LDLRAD4: variants seen among roughly 807,000 people sequenced by gnomAD.
The protein encoded by LDLRAD4 is low density lipoprotein receptor class A domain containing 4.
Under a neutral mutation model 17.0 loss-of-function variants are expected in LDLRAD4, and 5 were observed. The ratio of observed to expected loss-of-function variants is 0.29; its 90% CI spans 0.15 to 0.62. The LOEUF (loss-of-function observed/expected upper bound fraction) is 0.62. Ranked by LOEUF, LDLRAD4 falls within the 20% of genes least tolerant of loss-of-function variation. The pLI is 0.84. For synonymous variants in LDLRAD4, 168 were observed against 171.8 expected, an observed-to-expected ratio of 0.98 and a Z score of 0.17; for missense variants, 340 against 424.7, an observed-to-expected ratio of 0.80 and a Z score of 1.75.
chr18:13,227,430 A>C lies in LDLRAD4; in HGVS notation c.-467+8442A>C, dbSNP rs371430674. ...TTGTTCACAGGCACCTGAGCACATC[A>C]GGTGGGGAGACCCTCATGTACTGTG... is the stretch of plus-strand genomic sequence containing the variant. On this transcript the variant is annotated intron_variant, in intron 1 of 5. Coordinates refer to the LDLRAD4 transcript ENST00000399848. 6.4e-4 allele frequency among the ~76,000 whole-genome samples: 97 copies of C among 152,310 alleles called. No homozygotes were observed. In the South Asian group the frequency reaches 0.019, roughly 30 times the overall value.
chr18:13,372,564 C>T (rs369564652), intron 1 of LDLRAD4, among the ~76,000 whole-genome samples: 248 of 152,258 alleles, frequency 1.6e-3, no homozygotes, highest in East Asian at 8.1e-3. Context: ...CTGGGATGGG[C>T]GTGCTGGGAA....
chr18:13,238,186 C>G, intron 1 of LDLRAD4, among the ~76,000 whole-genome samples: 1 of 152,202 alleles, frequency 6.6e-6, no homozygotes, highest in Non-Finnish European at 1.5e-5. Flanking sequence ...GATCACAGAG[C>G]CATCTAAGCA....
intron 3 of LDLRAD4, among the ~76,000 whole-genome samples, chr18:13,474,603 C>CA (rs1470225056): frequency 6.6e-6 from 1 of 152,152 alleles, no homozygotes; most frequent in Admixed American, 6.5e-5. Flanking sequence ...GGATGGTCTG[C>CA]AGGGGAGCAG....
At chr18:13,483,757 C>G (rs58234954) in intron 3 of LDLRAD4, among the ~76,000 whole-genome samples, 1,784 of 152,256 alleles carry the variant, frequency 0.012, 68 homozygotes, top group East Asian at 0.11. Context: ...AAATGAGACC[C>G]TTTCCCAAGC....
chr18:13,634,723 C>T (rs2041941231), intron 4 of LDLRAD4, among the ~76,000 whole-genome samples: 1 of 151,642 alleles, frequency 6.6e-6, no homozygotes, highest in Non-Finnish European at 1.5e-5. Flanking sequence ...AATAATCCAT[C>T]CTAACGTTTA....
rs1043402321 is a variant in LDLRAD4, at chr18:13,621,684, A to C, written c.336+413A>C. On this transcript the variant is annotated intron_variant, in intron 4 of 5. Transcript: ENST00000359446. This position sits in a 1 kb window ranked among gnomAD's most constrained non-coding sequence, Gnocchi z 5.5. ...GGGTCCTGGAGGTGCTGCGGGGACA[A>C]ATCACGCGCTCATCGTCACTAAACG... is the stretch of plus-strand genomic sequence containing the variant. Among the ~76,000 whole-genome samples, 1 of 152,156 alleles carries C rather than the reference A, an allele frequency of 6.6e-6. No homozygotes were observed. Among genetic ancestry groups the C allele is most frequent in the Non-Finnish European group, 1.5e-5 (1 of 68,036 alleles).
intron 3 of LDLRAD4, among the ~76,000 whole-genome samples, chr18:13,479,908 A>G (rs2847109): frequency 0.77 from 116,388 of 152,118 alleles, 44,827 homozygotes; most frequent in African/African-American, 0.81. Context: ...AATGGCCCCA[A>G]TCCAGAATAC....
Position 13,595,612 on chromosome 18 carries a change from G to A in LDLRAD4, c.182-25505G>A, listed in dbSNP as rs192987826. ...CAACCTCCCACCTTGGCCCCCTAAA[G>A]TGCTGAGATTACAGGTGTCAGCCAC... is the stretch of plus-strand genomic sequence containing the variant. On this transcript the variant is annotated intron_variant, in intron 3 of 5. Coordinates refer to ENST00000359446, the Ensembl canonical transcript of LDLRAD4. Among the ~76,000 whole-genome samples the A allele has an allele frequency of 1.4e-3, 209 of 152,212 alleles. No individual in the cohort carries two copies. In the Middle Eastern group the frequency reaches 0.044, roughly 32 times the overall value.
At chr18:13,321,460 TG>T (rs1398697076) in intron 1 of LDLRAD4, among the ~76,000 whole-genome samples, 1 of 152,386 alleles carries the variant, frequency 6.6e-6, no homozygotes, top group Middle Eastern at 3.4e-3. Context: ...TTTACAGCTC[TG>T]AATTATTTTC....
intron 1 of LDLRAD4, among the ~76,000 whole-genome samples, chr18:13,372,738 C>G (rs903174531): frequency 3.3e-5 from 5 of 152,210 alleles, no homozygotes; most frequent in Middle Eastern, 3.2e-3. Context: ...GTACTCAGCA[C>G]TTCATGTTCA....
At position 13,635,300 on chromosome 18, in the gene LDLRAD4, G is replaced by T. The variant is rs551503220; in HGVS notation, c.337-8059G>T. On this transcript the variant is annotated intron_variant, in intron 4 of 5. Coordinates refer to ENST00000359446, the Ensembl canonical transcript of LDLRAD4. Reference sequence around the variant, plus strand: ...CTTCTCTTGTGGAAAGAGCTTGCTAGCCTCCAGCCTCTTCTTATAAGGGTA... The same window carrying T: ...CTTCTCTTGTGGAAAGAGCTTGCTATCCTCCAGCCTCTTCTTATAAGGGTA... Among the ~76,000 whole-genome samples, 17 of 152,264 alleles carry T rather than the reference G, an allele frequency of 1.1e-4. No individual in the cohort carries two copies. The South Asian group carries it at 3.3e-3, about 30-fold the overall frequency.
At position 13,348,572 on chromosome 18, in the gene LDLRAD4, T is replaced by G. The variant is rs564885053; in HGVS notation, c.-382-38769T>G. Among the ~76,000 whole-genome samples, 4 of 152,316 alleles carry G rather than the reference T, an allele frequency of 2.6e-5. No individual in the cohort carries two copies. The South Asian group carries it at 8.3e-4, about 32-fold the overall frequency. ...CATTCTCAGATCTCAAGCGGCGTGC[T>G]GGGAGAACCACTACTGTCTTCCAAG... is the stretch of plus-strand genomic sequence containing the variant. On this transcript the variant is annotated intron_variant, in intron 1 of 5. Transcript: ENST00000359446.
intron 3 of LDLRAD4, among the ~76,000 whole-genome samples, chr18:13,578,877 C>A (rs1440287436): frequency 2.1e-5 from 2 of 93,520 alleles, no homozygotes; most frequent in African/African-American, 7.4e-5. Context: ...TGGTAGACCA[C>A]AAATCGCTGA....
intron 1 of LDLRAD4, among the ~76,000 whole-genome samples, chr18:13,253,672 G>A (rs1401279967): frequency 1.3e-5 from 2 of 152,130 alleles, no homozygotes; most frequent in African/African-American, 2.4e-5. Flanking sequence ...AGTGGAATTC[G>A]GAATAATTTT....
intron 3 of LDLRAD4, among the ~76,000 whole-genome samples, chr18:13,582,228 A>G (rs1241163963): frequency 6.6e-6 from 1 of 152,250 alleles, no homozygotes; most frequent in Non-Finnish European, 1.5e-5. Context: ...GCACTCAGCA[A>G]TGGCCAGTTT....
At chr18:13,477,523 C>G (rs917826116) in intron 3 of LDLRAD4, among the ~76,000 whole-genome samples, 6 of 152,216 alleles carry the variant, frequency 3.9e-5, no homozygotes, top group African/African-American at 1.4e-4. Flanking sequence ...TGACTCTGTG[C>G]AGGCAGCATG....
chr18:13,497,610 A>C (rs1312975303), intron 3 of LDLRAD4, among the ~76,000 whole-genome samples: 1 of 152,080 alleles, frequency 6.6e-6, no homozygotes, highest in Admixed American at 6.5e-5. Flanking sequence ...CATTTTTCAG[A>C]AGTAGTTCAC....
chr18:13,335,415 G>T (rs2082058751), intron 1 of LDLRAD4, among the ~76,000 whole-genome samples: 1 of 152,068 alleles, frequency 6.6e-6, no homozygotes, highest in Admixed American at 6.6e-5. Flanking sequence ...CAGCCACTAG[G>T]GATAAGGCAG....
At chr18:13,546,279 A>C (rs1489456504) in intron 3 of LDLRAD4, among the ~76,000 whole-genome samples, 1 of 151,988 alleles carries the variant, frequency 6.6e-6, no homozygotes, top group Non-Finnish European at 1.5e-5. Context: ...GGGAACCAGC[A>C]GGCCAACTCC....
Sources: gnomAD v4.1 joint callset for allele counts (sites outside exome capture counted in the v4.1 genomes callset) on GRCh38, gnomAD v4.1.1 for gene constraint, Gnocchi (gnomAD v3.1) non-coding constraint, MANE v1.5 for transcripts, NCBI Gene and HGNC (gene_info 2026-07-23, HGNC 2026-07-21) for gene names.